The following CYP2R1 variants were observed in gnomAD, a reference collection of about 807,000 sequenced individuals.
The protein encoded by CYP2R1 is vitamin D 25-hydroxylase.
In CYP2R1, 40 loss-of-function variants were observed where a neutral mutation model predicts 45.7. The ratio of observed to expected loss-of-function variants is 0.87; its 90% CI spans 0.68 to 1.14. The LOEUF is 1.14. Ranked by LOEUF, CYP2R1 falls within the 50% of genes most tolerant of loss-of-function variation. CYP2R1 has a pLI of 0.00. For synonymous variants in CYP2R1, 234 were observed against 219.3 expected, an observed-to-expected ratio of 1.07 and a Z score of -0.59; for missense variants, 605 against 602.6, an observed-to-expected ratio of 1.00 and a Z score of -0.04.
chr11:14,890,778 G>C (rs1848818504), intron 1 of CYP2R1: 1 of 737,236 alleles, frequency 1.4e-6, no homozygotes, highest in Non-Finnish European at 1.7e-6. Context: ...TCGATCTCCT[G>C]ATTTCGTGAT....
chr11:14,891,494 AC>A, intron 1 of CYP2R1: 1 of 993,678 alleles, frequency 1.0e-6, no homozygotes, highest in East Asian at 1.1e-4. Flanking sequence ...GCAAACGCCT[AC>A]ACCAGTCGTT....
Position 14,880,159 on chromosome 11 carries a change from A to G in CYP2R1, c.977T>C (p.Met326Thr). The G allele has an allele frequency of 2.5e-6, 4 of 1,612,832 alleles. No homozygotes were observed. The highest frequency in any genetic ancestry group is 3.4e-6 in the Non-Finnish European group (4 of 1,179,226). ...ACCTTGAATATTAGGATAAAGGGCCATGAAAAGAATCGCCCACCGTAGCAC... is the reference window on the plus strand; with the variant it reads ...ACCTTGAATATTAGGATAAAGGGCCGTGAAAAGAATCGCCCACCGTAGCAC... ...TNVLRWAILFMALYPNIQGQV... is the reference protein window; with the variant it reads ...TNVLRWAILFTALYPNIQGQV... The change falls in exon 3 of 5, where the codon ATG (methionine) becomes ACG (threonine). Residue 326 changes from methionine to threonine, a missense_variant. Met to Thr is a moderately conservative substitution (Grantham distance 81). Transcript: ENST00000334636.
In CYP2R1 at chr11:14,880,599, A is replaced by C. The variant is rs1555011839; in HGVS notation, c.537T>G (p.Phe179Leu). 1 of 1,612,938 alleles carries C rather than the reference A, an allele frequency of 6.2e-7. No individual in the cohort carries two copies. The highest frequency in any genetic ancestry group is 2.2e-5 in the East Asian group (1 of 44,846). Residue 179 changes from phenylalanine (F) to leucine (L), a missense_variant, in exon 3 of 5, where the codon TTT becomes TTG. Physicochemically the swap from Phe to Leu is conservative, Grantham distance 22. Transcript: ENST00000334636. ...AAACAGCATTCGTTATTAACTGTTTAAAGTCAAAAGGTCTACCTTTGTATG... is the reference window on the plus strand; with the variant it reads ...AAACAGCATTCGTTATTAACTGTTTCAAGTCAAAAGGTCTACCTTTGTATG... ...IETYKGRPFDFKQLITNAVSN... is the reference protein window; with the variant it reads ...IETYKGRPFDLKQLITNAVSN...
chr11:14,885,954 G>T lies in CYP2R1; in HGVS notation c.226-37C>A, dbSNP rs782596005. The T allele has an allele frequency of 3.1e-6, 5 of 1,598,272 alleles. No individual in the cohort carries two copies. In the East Asian group the frequency reaches 1.1e-4, roughly 36 times the overall value. On this transcript the variant is annotated intron_variant, in intron 1 of 4. Coordinates refer to ENST00000334636, the MANE Select transcript of CYP2R1 (RefSeq NM_024514.5). ...GAAGAAAAACAACATTTAAATGACAGCATGTATGGAGAAATATAACCATGG... is the reference window on the plus strand; with the variant it reads ...GAAGAAAAACAACATTTAAATGACATCATGTATGGAGAAATATAACCATGG...
chr11:14,881,454 G>A (rs1848383950), intron 2 of CYP2R1, among the ~76,000 whole-genome samples: 1 of 152,022 alleles, frequency 6.6e-6, no homozygotes, highest in South Asian at 2.1e-4. Context: ...AACATCTTCA[G>A]TGCACATATT....
At chr11:14,891,418 T>C (rs535531779) in intron 1 of CYP2R1, 2 of 985,698 alleles carry the variant, frequency 2.0e-6, no homozygotes, top group Non-Finnish European at 2.4e-6. Flanking sequence ...CATTCACGCG[T>C]TCACAATCGT....
chr11:14,886,942 T>C (rs1447272248), intron 1 of CYP2R1: 1 of 152,220 alleles, frequency 6.6e-6, no homozygotes, highest in Non-Finnish European at 1.5e-5. Context: ...ACCAGAGTCT[T>C]TGGCACACGG....
intron 1 of CYP2R1, 98 bp downstream of exon 1, chr11:14,891,883 A>G (rs1848871630): frequency 6.9e-7 from 1 of 1,457,708 alleles, no homozygotes. Context: ...GGTCCCGACT[A>G]GTCGGCCCAG....
intron 2 of CYP2R1, 128 bp from the exon 3 acceptor site, chr11:14,880,896 G>T: frequency 1.2e-6 from 1 of 837,864 alleles, no homozygotes; most frequent in Admixed American, 2.8e-5. Flanking sequence ...TAACTACATG[G>T]TTGGGTCCTG....
In CYP2R1 at chr11:14,890,763, C is replaced by T. The variant is rs535777888; in HGVS notation, c.225+1218G>A. 124 of 614,790 alleles carry T rather than the reference C, an allele frequency of 2.0e-4. 2 individuals carry two copies. In the African/African-American group the frequency reaches 2.4e-3, roughly 12 times the overall value. The allele number at this position is 614,790 out of a possible 1,614,324, so 38.1% of individuals were successfully genotyped here. A position where few individuals can be genotyped will look rare whatever the true frequency, so the allele number is the denominator to read the frequency against. The stretch of plus-strand genomic sequence containing the variant: ...TGGGGTTTCACCGTGTTAGCCACGA[C>T]GGTCTCGATCTCCTGATTTCGTGAT... On this transcript the variant is annotated intron_variant, in intron 1 of 4. Transcript: ENST00000334636.
Position 14,885,657 on chromosome 11 carries a change from A to G in CYP2R1, c.367+119T>C. The stretch of plus-strand genomic sequence containing the variant: ...GGTCCTCAAATACTAGGTTCTGTAA[A>G]TAAATAGTTTCTTATTAATCAGTAT... On this transcript the variant is annotated intron_variant, in intron 2 of 4. Coordinates refer to ENST00000334636, the MANE Select transcript of CYP2R1 (RefSeq NM_024514.5). The G allele has an allele frequency of 2.7e-6, 3 of 1,103,486 alleles. No individual in the cohort carries two copies. The South Asian group carries it at 4.2e-5, about 15-fold the overall frequency. 68.4% of individuals were successfully genotyped at this position (1,103,486 alleles called of 1,614,324 possible).
chr11:14,885,802 AAAGG>A lies in CYP2R1; in HGVS notation c.337_340del (p.Pro113TyrfsTer3). ...TCCCATTTTTGTCATCTTCATGAATAAAGGAAGGCATGGTCTGTCTGCAAAAATT... is the reference window on the plus strand; with the variant it reads ...TCCCATTTTTGTCATCTTCATGAATAAAGGCATGGTCTGTCTGCAAAAATT... On this transcript the variant is annotated frameshift_variant, in exon 2 of 5. Transcript: ENST00000334636. The A allele has an allele frequency of 3.1e-6, 5 of 1,613,162 alleles. No homozygotes were observed. The highest frequency in any genetic ancestry group is 1.1e-5 in the South Asian group (1 of 91,042).
chr11:14,886,114 C>T (rs1384739127), intron 1 of CYP2R1, 197 bp from the exon 2 acceptor site: 18 of 592,154 alleles, frequency 3.0e-5, no homozygotes, highest in Non-Finnish European at 4.8e-5. Flanking sequence ...TTTCATTATG[C>T]CATTCAGTGC....
rs782489507 is a variant in CYP2R1 at position 14,879,093 on chromosome 11, G to GC, written c.1330+20dup. Reference sequence around the variant, plus strand: ...TCATTATCCTTTATTCTAAAGTTACGCCCCGTGAAAGTTCTCTTACCTAGG... The same window carrying GC: ...TCATTATCCTTTATTCTAAAGTTACGCCCCCGTGAAAGTTCTCTTACCTAGG... On this transcript the variant is annotated intron_variant, in intron 4 of 4. Transcript: ENST00000334636. 1.8e-5 allele frequency: 29 copies of GC among 1,569,422 alleles called. 1 individual carries two copies. The South Asian group carries it at 3.2e-4, about 17-fold the overall frequency.
intron 1 of CYP2R1, among the ~76,000 whole-genome samples, chr11:14,889,192 A>G (rs1008976986): frequency 7.3e-5 from 11 of 150,202 alleles, no homozygotes; most frequent in Admixed American, 6.0e-4. Flanking sequence ...GTGAGCATAC[A>G]TCTCAAATTT....
chr11:14,891,622 C>G, intron 1 of CYP2R1: 1 of 1,078,562 alleles, frequency 9.3e-7, no homozygotes, highest in Non-Finnish European at 1.1e-6. Flanking sequence ...CGCAAGACGC[C>G]CGCACCTGAG....
intron 4 of CYP2R1, 136 bp downstream of exon 4, chr11:14,878,978 C>T (rs933392536): frequency 1.2e-5 from 9 of 731,900 alleles, no homozygotes; most frequent in Non-Finnish European, 2.1e-5. Flanking sequence ...ATCATTCTCT[C>T]CTGTTAGAAT....
intron 2 of CYP2R1, among the ~76,000 whole-genome samples, 179 bp downstream of exon 2, chr11:14,885,597 A>C (rs1245338981): frequency 6.6e-6 from 1 of 152,204 alleles, no homozygotes. Context: ...TTAGCAATGT[A>C]CTGGTCTAAA....
At chr11:14,881,097 C>A (rs186501904) in intron 2 of CYP2R1, among the ~76,000 whole-genome samples, 1 of 152,176 alleles carries the variant, frequency 6.6e-6, no homozygotes, top group Admixed American at 6.6e-5. Flanking sequence ...TTACCAAAGA[C>A]AAATGACCAC....
Sources: allele counts gnomAD v4.1 joint callset (sites outside exome capture counted in the v4.1 genomes callset), GRCh38; gene constraint gnomAD v4.1.1; transcripts MANE v1.5; gene names NCBI Gene and HGNC (gene_info 2026-07-23, HGNC 2026-07-21).